ZSCAN23: variants seen among roughly 807,000 people sequenced by gnomAD.
ZSCAN23 encodes the protein zinc finger and SCAN domain-containing protein 23.
In ZSCAN23, 19 loss-of-function variants were observed where a neutral mutation model predicts 19.3. The ratio of observed to expected loss-of-function variants is 0.99; its 90% CI spans 0.69 to 1.45. ZSCAN23 has a LOEUF of 1.45. Among genes scored for constraint, ZSCAN23 ranks in the 40% most tolerant of loss-of-function variants. The probability of loss-of-function intolerance (pLI) is 0.00; values close to 1 mark genes in which losing one functional copy is unlikely to be tolerated. For synonymous variants in ZSCAN23, 140 were observed against 166.2 expected, an observed-to-expected ratio of 0.84 and a Z score of 1.21; for missense variants, 372 against 462.5, an observed-to-expected ratio of 0.80 and a Z score of 1.79.
chr6:28,439,502 C>G (rs1163576504), intron 1 of ZSCAN23, among the ~76,000 whole-genome samples: 2 of 152,110 alleles, frequency 1.3e-5, no homozygotes, highest in Non-Finnish European at 2.9e-5. Context: ...CAGAGCCTAC[C>G]AGCAAATATA....
intron 2 of ZSCAN23, 91 bp from the exon 3 acceptor site, chr6:28,435,698 C>T: frequency 6.9e-7 from 1 of 1,447,392 alleles, no homozygotes; most frequent in Non-Finnish European, 9.1e-7. Context: ...AAAGAAGGAC[C>T]AAGAAGCTGG....
chr6:28,440,037 G>A (rs544345179), intron 1 of ZSCAN23, among the ~76,000 whole-genome samples: 2 of 152,338 alleles, frequency 1.3e-5, no homozygotes, highest in Non-Finnish European at 2.9e-5. Context: ...ATTTTATAGA[G>A]TCAGGGAAGG....
At chr6:28,425,640 G>A in the ZSCAN23 span, among the ~76,000 whole-genome samples, 11 of 152,214 alleles carry the variant, frequency 7.2e-5, no homozygotes, top group Admixed American at 7.2e-4. Flanking sequence ...AGGACTCTAG[G>A]ATTTTCAGCT....
At chr6:28,424,669 A>G in the ZSCAN23 span, among the ~76,000 whole-genome samples, 1 of 152,246 alleles carries the variant, frequency 6.6e-6, no homozygotes, top group Non-Finnish European at 1.5e-5. Flanking sequence ...TTCTTTACTC[A>G]TCCATAAGAA....
At chr6:28,442,828 G>T (rs1434918315) in intron 1 of ZSCAN23, among the ~76,000 whole-genome samples, 1 of 152,208 alleles carries the variant, frequency 6.6e-6, no homozygotes, top group Admixed American at 6.5e-5. Context: ...GGGACAGAGA[G>T]GTGGGGTGTA....
downstream of ZSCAN23, among the ~76,000 whole-genome samples, chr6:28,431,301 G>A (rs907710761): frequency 6.6e-6 from 1 of 151,970 alleles, no homozygotes; most frequent in African/African-American, 2.4e-5. Context: ...CTATATGCTT[G>A]GTTGAAAAAA....
chr6:28,424,110 T>C, the ZSCAN23 span, among the ~76,000 whole-genome samples: 53 of 152,324 alleles, frequency 3.5e-4, no homozygotes, highest in East Asian at 0.01. Flanking sequence ...ATTGGACATA[T>C]TGCAGATTTG....
At chr6:28,430,455 C>T (rs565231256), downstream of ZSCAN23, among the ~76,000 whole-genome samples, 24 of 152,310 alleles carry the variant, frequency 1.6e-4, no homozygotes, top group Admixed American at 4.6e-4. Flanking sequence ...ACTCTGCCCC[C>T]AAGGGTCAAA....
chr6:28,424,286 G>A, the ZSCAN23 span, among the ~76,000 whole-genome samples: 1 of 152,132 alleles, frequency 6.6e-6, no homozygotes, highest in African/African-American at 2.4e-5. Context: ...ATACTTTATT[G>A]CTAAAAAATG....
chr6:28,424,228 T>G, the ZSCAN23 span, among the ~76,000 whole-genome samples: 4 of 152,244 alleles, frequency 2.6e-5, no homozygotes, highest in Non-Finnish European at 4.4e-5. Context: ...GACAGTCTAT[T>G]AAGTGTGCAG....
chr6:28,439,118 G>A (rs932064993), intron 1 of ZSCAN23, among the ~76,000 whole-genome samples: 5 of 148,606 alleles, frequency 3.4e-5, no homozygotes, highest in African/African-American at 1.2e-4. Context: ...TTTTTTTTGA[G>A]ACGGAATCTC....
chr6:28,436,696 A>T (rs992730983), intron 1 of ZSCAN23, among the ~76,000 whole-genome samples: 2 of 152,184 alleles, frequency 1.3e-5, no homozygotes, highest in Non-Finnish European at 2.9e-5. Context: ...GTGGTCACAG[A>T]TGACACCAAG....
At position 28,434,442 on chromosome 6, in the gene ZSCAN23, T is replaced by G. The variant is rs746724226; in HGVS notation, c.*23A>C. ...ACAGCAGGGACAAAGTAAGAAATAT[T>G]ATCCCCTACCTGTTCCAAGGAGCTA... On this transcript the variant is annotated 3_prime_UTR_variant, in exon 4 of 4. Transcript: ENST00000289788. The G allele has an allele frequency of 7.9e-5, 118 of 1,503,048 alleles. No individual in the cohort carries two copies. The highest frequency in any genetic ancestry group is 1.0e-4 in the Non-Finnish European group (117 of 1,120,880). The allele number at this position is 1,503,048 out of a possible 1,614,324, so 93.1% of individuals were successfully genotyped here.
chr6:28,441,986 T>G (rs541110806), intron 1 of ZSCAN23, among the ~76,000 whole-genome samples: 2 of 149,710 alleles, frequency 1.3e-5, no homozygotes, highest in Admixed American at 1.3e-4. Flanking sequence ...CAAGCAATCC[T>G]CCTGCCTCAG....
At chr6:28,427,760 G>A (rs1219009723), downstream of ZSCAN23, among the ~76,000 whole-genome samples, 3 of 151,934 alleles carry the variant, frequency 2.0e-5, no homozygotes, top group Admixed American at 6.6e-5. Flanking sequence ...AGTCTACTTC[G>A]TAGCTCTTAT....
In ZSCAN23 at chr6:28,433,156, A is replaced by G. The variant is rs1761794402; in HGVS notation, c.*1309T>C. The G allele has an allele frequency of 6.6e-6, 1 of 152,166 alleles. No individual in the cohort carries two copies. Among genetic ancestry groups the G allele is most frequent in the Non-Finnish European group, 1.5e-5 (1 of 67,998 alleles). The allele number at this position is 152,166 out of a possible 1,614,324, so 9.4% of individuals were successfully genotyped here. On this transcript the variant is annotated 3_prime_UTR_variant, in exon 4 of 4. Coordinates refer to ENST00000289788, the MANE Select transcript of ZSCAN23 (RefSeq NM_001012455.2). ...GAGGAGTTGTGCTTTATTGAAACATATAAATGGGTGGGTTTGTTGAGCAAC... is the reference window on the plus strand; with the variant it reads ...GAGGAGTTGTGCTTTATTGAAACATGTAAATGGGTGGGTTTGTTGAGCAAC...
At chr6:28,427,155 T>C (rs954453085), downstream of ZSCAN23, among the ~76,000 whole-genome samples, 1 of 152,228 alleles carries the variant, frequency 6.6e-6, no homozygotes, top group East Asian at 1.9e-4. Context: ...ATCTGACTTA[T>C]CAGTCCCAAG....
chr6:28,422,828 T>TA, the ZSCAN23 span, among the ~76,000 whole-genome samples: 1 of 152,176 alleles, frequency 6.6e-6, no homozygotes, highest in Non-Finnish European at 1.5e-5. This position sits in a 1 kb window ranked among gnomAD's most constrained non-coding sequence, Gnocchi z 4.0. Flanking sequence ...AAATGAAAGG[T>TA]ATGCAGAGAT....
chr6:28,436,575 C>G (rs1052646359), intron 1 of ZSCAN23, among the ~76,000 whole-genome samples: 29 of 152,106 alleles, frequency 1.9e-4, no homozygotes, highest in African/African-American at 6.8e-4. Flanking sequence ...ATCATCCTGA[C>G]CGAAACAGCT....
Sources: allele counts gnomAD v4.1 joint callset (sites outside exome capture counted in the v4.1 genomes callset), GRCh38; gene constraint gnomAD v4.1.1; non-coding constraint Gnocchi (gnomAD v3.1); transcripts MANE v1.5; gene names NCBI Gene and HGNC (gene_info 2026-07-23, HGNC 2026-07-21).